SND1: variants seen among roughly 807,000 people sequenced by gnomAD.
SND1 encodes staphylococcal nuclease and tudor domain containing 1.
A neutral mutation model predicts 121.7 loss-of-function variants in SND1; 38 were observed. The observed-to-expected ratio is 0.31, with a 90% CI of 0.24 to 0.41. The LOEUF (loss-of-function observed/expected upper bound fraction) is 0.41. Ranked by LOEUF, SND1 falls within the 10% of genes least tolerant of loss-of-function variation. The pLI is 1.00. For missense variants in SND1, 868 were observed against 1,184.6 expected (o/e 0.73, Z 3.92); for synonymous variants, 401 against 447.4 (o/e 0.90, Z 1.31).
At chr7:128,031,996 C>T (rs913840301) in intron 16 of SND1, 33 of 147,582 alleles carry the variant, frequency 2.2e-4, no homozygotes, top group African/African-American at 8.2e-4. Flanking sequence ...GCAGCGGGGC[C>T]CCTGCGCGCG....
chr7:128,076,112 A>G (rs1292481298), intron 17 of SND1, among the ~76,000 whole-genome samples: 1 of 152,150 alleles, frequency 6.6e-6, no homozygotes, highest in Non-Finnish European at 1.5e-5. Flanking sequence ...CCTGGAAGCC[A>G]CCTTTTCAGA....
chr7:127,827,445 C>G (rs1334390592), intron 11 of SND1, among the ~76,000 whole-genome samples: 1 of 152,142 alleles, frequency 6.6e-6, no homozygotes, highest in Non-Finnish European at 1.5e-5. Flanking sequence ...ACATCTCTTT[C>G]AAAATACCCC....
Position 128,085,623 on chromosome 7 carries a change from C to A in SND1, c.2235-88C>A. ...CCCGTTGAACCCAGGCAGGGAAATG[C>A]TGTGCCCCTGCCCCGCCATTGCTGA... is the stretch of plus-strand genomic sequence containing the variant. On this transcript the variant is annotated intron_variant, in intron 19 of 23. Transcript: ENST00000354725. This position sits in a 1 kb window ranked among gnomAD's most constrained non-coding sequence, Gnocchi z 4.4. The A allele has an allele frequency of 3.5e-6, 4 of 1,155,676 alleles. No homozygotes were observed. The highest frequency in any genetic ancestry group is 5.2e-6 in the Non-Finnish European group (4 of 771,966). The allele number at this position is 1,155,676 out of a possible 1,614,324, so 71.6% of individuals were successfully genotyped here.
intron 1 of SND1, among the ~76,000 whole-genome samples, chr7:127,676,776 T>C (rs1328692949): frequency 2.0e-5 from 3 of 152,224 alleles, no homozygotes; most frequent in Non-Finnish European, 2.9e-5. Flanking sequence ...AGTTTCACTC[T>C]TGTTGCCCAG....
intron 2 of SND1, among the ~76,000 whole-genome samples, chr7:127,688,958 G>A (rs1204004895): frequency 6.6e-6 from 1 of 152,110 alleles, no homozygotes; most frequent in Non-Finnish European, 1.5e-5. Context: ...AGTTAGTGAA[G>A]CAATGGTATA....
chr7:127,835,161 C>T (rs1311848151), intron 11 of SND1, among the ~76,000 whole-genome samples: 7 of 152,164 alleles, frequency 4.6e-5, no homozygotes, highest in South Asian at 2.1e-4. Flanking sequence ...ATATCCCCTT[C>T]CCCCCACTAA....
At chr7:127,969,878 G>A (rs931944744) in intron 15 of SND1, among the ~76,000 whole-genome samples, 3 of 152,134 alleles carry the variant, frequency 2.0e-5, no homozygotes, top group South Asian at 2.1e-4. Flanking sequence ...TATAATCCCC[G>A]TGATCTAGGA....
chr7:127,817,929 A>T (rs985564871), intron 11 of SND1, among the ~76,000 whole-genome samples: 1 of 151,748 alleles, frequency 6.6e-6, no homozygotes, highest in Admixed American at 6.6e-5. Flanking sequence ...AGTTCCTAAG[A>T]CTGTGCTTGA....
intron 13 of SND1, among the ~76,000 whole-genome samples, chr7:127,897,877 A>C (rs1800151002): frequency 6.6e-6 from 1 of 152,012 alleles, no homozygotes; most frequent in Admixed American, 6.6e-5. Flanking sequence ...TGTTTCCTGA[A>C]ATTTTTTTCT....
chr7:127,828,812 A>G (rs1232937797), intron 11 of SND1, among the ~76,000 whole-genome samples: 1 of 152,256 alleles, frequency 6.6e-6, no homozygotes, highest in African/African-American at 2.4e-5. Flanking sequence ...CTGGGCTAAA[A>G]GACCCAGAGA....
intron 11 of SND1, among the ~76,000 whole-genome samples, chr7:127,838,362 A>G (rs1798904864): frequency 1.3e-5 from 2 of 152,220 alleles, no homozygotes; most frequent in Non-Finnish European, 2.9e-5. Flanking sequence ...CGTACTTAAC[A>G]ATTTACAGGC....
intron 12 of SND1, among the ~76,000 whole-genome samples, chr7:127,860,215 C>T (rs1424751658): frequency 6.6e-6 from 1 of 152,092 alleles, no homozygotes; most frequent in African/African-American, 2.4e-5. Context: ...TGTAAAATTC[C>T]TTCAAACCCC....
At chr7:127,764,932 C>T (rs974736028) in intron 10 of SND1, among the ~76,000 whole-genome samples, 3 of 152,042 alleles carry the variant, frequency 2.0e-5, no homozygotes, top group Admixed American at 1.3e-4. Flanking sequence ...GGAAATCGGG[C>T]GGAACTATTG....
intron 10 of SND1, among the ~76,000 whole-genome samples, chr7:127,789,359 T>A (rs138012611): frequency 1.3e-5 from 2 of 152,224 alleles, no homozygotes; most frequent in East Asian, 1.9e-4. Context: ...CAAACCTTTT[T>A]AAAAAATTCA....
At position 127,739,670 on chromosome 7, in the gene SND1, G is replaced by A. The variant is rs183552732; in HGVS notation, c.1152+18270G>A. On this transcript the variant is annotated intron_variant, in intron 10 of 23. Coordinates refer to ENST00000354725, the MANE Select transcript of SND1 (RefSeq NM_014390.4). Reference sequence around the variant, plus strand: ...GCTAAGACTCAGCATCCTGACTCCTGATTCCCAGGGACAGCCATGGAAGAG... The same window carrying A: ...GCTAAGACTCAGCATCCTGACTCCTAATTCCCAGGGACAGCCATGGAAGAG... Among the ~76,000 whole-genome samples, 11 of 152,336 alleles carry A rather than the reference G, an allele frequency of 7.2e-5. No homozygotes were observed. The East Asian group carries it at 1.5e-3, about 21-fold the overall frequency.
chr7:128,054,440 G>A (rs1793101811), intron 16 of SND1, among the ~76,000 whole-genome samples: 1 of 152,218 alleles, frequency 6.6e-6, no homozygotes, highest in Non-Finnish European at 1.5e-5. Context: ...AAAGGGAAGT[G>A]GAGGGAGGCA....
At chr7:127,790,393 C>T (rs906719499) in intron 10 of SND1, among the ~76,000 whole-genome samples, 3 of 152,140 alleles carry the variant, frequency 2.0e-5, no homozygotes, top group Non-Finnish European at 4.4e-5. Context: ...CTGTTTTTCT[C>T]TTGCTCAAAG....
rs1416420319 is a variant in SND1, at chr7:127,980,352, C to G, written c.1670-10595C>G. On this transcript the variant is annotated intron_variant, in intron 15 of 23. Transcript: ENST00000354725. ...AGCCGGGATGGTCTCGATCTCCTGA[C>G]CTCGTGATCCGCCCGCCTCGGCCTC... Among the ~76,000 whole-genome samples the G allele has an allele frequency of 2.0e-5, 2 of 100,362 alleles. 1 individual carries two copies. The highest frequency in any genetic ancestry group is 3.8e-5 in the Non-Finnish European group (2 of 52,268). 65.8% of individuals were successfully genotyped at this position (100,362 alleles called of 152,430 possible).
At chr7:127,771,959 G>A (rs999813432) in intron 10 of SND1, among the ~76,000 whole-genome samples, 1 of 152,054 alleles carries the variant, frequency 6.6e-6, no homozygotes, top group African/African-American at 2.4e-5. Flanking sequence ...GTTCATCACT[G>A]GTACTTTCCT....
Sources: allele counts gnomAD v4.1 joint callset (sites outside exome capture counted in the v4.1 genomes callset), GRCh38; gene constraint gnomAD v4.1.1; non-coding constraint Gnocchi (gnomAD v3.1); transcripts MANE v1.5; gene names NCBI Gene and HGNC (gene_info 2026-07-23, HGNC 2026-07-21).